CHRNA7: variants seen among roughly 807,000 people sequenced by gnomAD.
The protein encoded by CHRNA7 is neuronal acetylcholine receptor subunit alpha-7.
CHRNA7 carries 17 observed loss-of-function variants against 48.0 expected under a neutral mutation model. The ratio of observed to expected loss-of-function variants is 0.35; its 90% CI spans 0.24 to 0.53. The LOEUF (loss-of-function observed/expected upper bound fraction) is 0.53, where lower values mean the gene tolerates loss of function less well. CHRNA7 is among the 20% of genes least tolerant of loss of function. The probability of loss-of-function intolerance (pLI) is 0.92; values close to 1 mark genes in which losing one functional copy is unlikely to be tolerated. For missense variants in CHRNA7, 155 were observed against 577.7 expected (o/e 0.27, Z 7.50); for synonymous variants, 75 against 242.3 (o/e 0.31, Z 6.41).
At chr15:32,143,549 T>C (rs1431861789) in intron 4 of CHRNA7, among the ~76,000 whole-genome samples, 3 of 152,208 alleles carry the variant, frequency 2.0e-5, no homozygotes, top group Non-Finnish European at 2.9e-5. Context: ...TTTGTGGGAG[T>C]CTAAGTCTCT....
At chr15:32,103,424 A>AG (rs1555381848) in intron 3 of CHRNA7, among the ~76,000 whole-genome samples, 3 of 151,216 alleles carry the variant, frequency 2.0e-5, no homozygotes, top group Admixed American at 1.3e-4. Context: ...AAAAAAAAAA[A>AG]AAGAAAGAAA....
At position 32,149,879 on chromosome 15, in the gene CHRNA7, T is replaced by G. The variant is rs1164044167; in HGVS notation, c.351-4028T>G. ...AAAGAAAGGCTTGTAGGAACTTTTTTTTTTTCAGAGTTGAATCACTGATCT... is the reference window on the plus strand; with the variant it reads ...AAAGAAAGGCTTGTAGGAACTTTTTGTTTTTCAGAGTTGAATCACTGATCT... On this transcript the variant is annotated intron_variant, in intron 4 of 9. Transcript: ENST00000306901. This position sits in a 1 kb window ranked among gnomAD's most constrained non-coding sequence, Gnocchi z 4.6. Among the ~76,000 whole-genome samples the G allele has an allele frequency of 6.6e-6, 1 of 152,156 alleles. No homozygotes were observed.
chr15:32,053,808 TG>T (rs1238135283), intron 2 of CHRNA7, among the ~76,000 whole-genome samples: 2 of 152,210 alleles, frequency 1.3e-5, no homozygotes, highest in Non-Finnish European at 2.9e-5. Context: ...TGCAGAAGAA[TG>T]GGCTGTGGGA....
intron 4 of CHRNA7, among the ~76,000 whole-genome samples, chr15:32,145,148 A>C (rs2051460976): frequency 1.3e-5 from 2 of 152,032 alleles, no homozygotes; most frequent in Admixed American, 1.3e-4. Context: ...TCTGTTTGTT[A>C]GTTTTCCTTT....
At chr15:32,101,251 T>C in intron 2 of CHRNA7, 52 bp from the exon 3 acceptor site, 1 of 1,569,420 alleles carries the variant, frequency 6.4e-7, no homozygotes, top group South Asian at 1.2e-5. Flanking sequence ...GTCTCATTCT[T>C]TCTTTTGTAA....
intron 2 of CHRNA7, among the ~76,000 whole-genome samples, chr15:32,038,857 A>G (rs2049397866): frequency 6.6e-6 from 1 of 152,048 alleles, no homozygotes; most frequent in African/African-American, 2.4e-5. Flanking sequence ...TTTCTTTTTT[A>G]AATTTGTAGA....
At chr15:32,095,396 G>C (rs1399059917) in intron 2 of CHRNA7, among the ~76,000 whole-genome samples, 1 of 152,204 alleles carries the variant, frequency 6.6e-6, no homozygotes, top group African/African-American at 2.4e-5. Context: ...ATAAAACTAA[G>C]AAGCATTTTA....
chr15:32,096,137 A>G lies in CHRNA7; in HGVS notation c.196-5166A>G, dbSNP rs892212385. Among the ~76,000 whole-genome samples the G allele has an allele frequency of 2.6e-5, 4 of 152,220 alleles. 1 individual carries two copies. Among genetic ancestry groups the G allele is most frequent in the Non-Finnish European group, 5.9e-5 (4 of 68,032 alleles). ...TCCATTATTAAATGAGAAAAATAATAGTATTTATTTTGCTGGATTATTGTC... is the reference window on the plus strand; with the variant it reads ...TCCATTATTAAATGAGAAAAATAATGGTATTTATTTTGCTGGATTATTGTC... On this transcript the variant is annotated intron_variant, in intron 2 of 9. Coordinates refer to ENST00000306901, the MANE Select transcript of CHRNA7 (RefSeq NM_000746.6).
intron 2 of CHRNA7, among the ~76,000 whole-genome samples, chr15:32,069,083 TGACATTA>T (rs2141215310): frequency 6.6e-6 from 1 of 152,294 alleles, no homozygotes; most frequent in Non-Finnish European, 1.5e-5. Flanking sequence ...AAAATCTGAC[TGACATTA>T]GACTTAATAA....
At chr15:32,096,722 T>C (rs1164613685) in intron 2 of CHRNA7, among the ~76,000 whole-genome samples, 1 of 152,192 alleles carries the variant, frequency 6.6e-6, no homozygotes, top group Non-Finnish European at 1.5e-5. Context: ...GAATAATTGC[T>C]GCAGAAATGC....
Position 32,086,850 on chromosome 15 carries a change from A to T in CHRNA7, c.196-14453A>T, listed in dbSNP as rs28832643. Among the ~76,000 whole-genome samples, 244 of 152,216 alleles carry T rather than the reference A, an allele frequency of 1.6e-3. 1 individual carries two copies. Among genetic ancestry groups the T allele is most frequent in the Non-Finnish European group, 2.4e-3 (160 of 68,026 alleles). On this transcript the variant is annotated intron_variant, in intron 2 of 9. Coordinates refer to ENST00000306901, the MANE Select transcript of CHRNA7 (RefSeq NM_000746.6). ...TTTTGGGGTAGACAGACAGCAGAGTATTATATGTTATCATATCATATCCAG... is the reference window on the plus strand; with the variant it reads ...TTTTGGGGTAGACAGACAGCAGAGTTTTATATGTTATCATATCATATCCAG...
chr15:32,095,495 C>T (rs6494214), intron 2 of CHRNA7, among the ~76,000 whole-genome samples: 151,505 of 152,268 alleles, frequency 0.99, 75,379 homozygotes, highest in Middle Eastern at 1. Context: ...ATAACCATAT[C>T]TTCACCCAAG....
intron 4 of CHRNA7, among the ~76,000 whole-genome samples, chr15:32,118,091 G>A (rs2050904216): frequency 6.6e-6 from 1 of 152,166 alleles, no homozygotes; most frequent in Non-Finnish European, 1.5e-5. Context: ...ATGGATTAAT[G>A]GATCAATAGG....
At chr15:32,076,416 C>T (rs984906214) in intron 2 of CHRNA7, among the ~76,000 whole-genome samples, 2 of 152,160 alleles carry the variant, frequency 1.3e-5, no homozygotes, top group Non-Finnish European at 2.9e-5. Context: ...TTGTCTCTCC[C>T]TATCTATGGT....
intron 2 of CHRNA7, among the ~76,000 whole-genome samples, chr15:32,067,485 C>T (rs79005262): frequency 0.016 from 2,372 of 152,258 alleles, 26 homozygotes; most frequent in Middle Eastern, 0.037. Context: ...TGAGACAATC[C>T]ACTGCTGGAA....
intron 2 of CHRNA7, among the ~76,000 whole-genome samples, chr15:32,034,447 T>C (rs1235545555): frequency 1.3e-5 from 2 of 152,222 alleles, no homozygotes; most frequent in Non-Finnish European, 2.9e-5. Context: ...GTAAGAATTA[T>C]ATGCTCTAGA....
intron 4 of CHRNA7, among the ~76,000 whole-genome samples, chr15:32,136,873 T>C (rs59720158): frequency 0.57 from 83,243 of 145,580 alleles, 24,289 homozygotes; most frequent in African/African-American, 0.72. Flanking sequence ...CTACTAAAAA[T>C]ACAAAAAAAT....
At chr15:32,113,383 C>T (rs570339954) in intron 4 of CHRNA7, among the ~76,000 whole-genome samples, 1 of 152,324 alleles carries the variant, frequency 6.6e-6, no homozygotes, top group African/African-American at 2.4e-5. Flanking sequence ...AATAGAGCCA[C>T]ACTCTGAGGC....
chr15:32,114,867 T>C (rs1287320898), intron 4 of CHRNA7, among the ~76,000 whole-genome samples: 1 of 152,210 alleles, frequency 6.6e-6, no homozygotes, highest in Non-Finnish European at 1.5e-5. Context: ...GGGGCTCCAC[T>C]GGGCCGATGT....
Sources: gnomAD v4.1 joint callset for allele counts (sites outside exome capture counted in the v4.1 genomes callset) on GRCh38, gnomAD v4.1.1 for gene constraint, Gnocchi (gnomAD v3.1) non-coding constraint, MANE v1.5 for transcripts, NCBI Gene and HGNC (gene_info 2026-07-23, HGNC 2026-07-21) for gene names.